The following PTPN4 variants were observed in gnomAD, a reference collection of about 807,000 sequenced individuals.
PTPN4 encodes tyrosine-protein phosphatase non-receptor type 4.
PTPN4 carries 49 observed loss-of-function variants against 135.5 expected under a neutral mutation model. The observed-to-expected ratio is 0.36, with a 90% CI of 0.29 to 0.46. The LOEUF (loss-of-function observed/expected upper bound fraction) is 0.46. Ranked by LOEUF, PTPN4 falls within the 20% of genes least tolerant of loss-of-function variation. The pLI, the probability that PTPN4 is intolerant of heterozygous loss-of-function variation, is 1.00. For missense variants in PTPN4, 860 were observed against 1,101.0 expected (o/e 0.78, Z 3.10); for synonymous variants, 333 against 369.9 (o/e 0.90, Z 1.14).
chr2:119,882,451 A>G, intron 7 of PTPN4, 52 bp from the exon 8 acceptor site: 1 of 1,416,882 alleles, frequency 7.1e-7, no homozygotes, highest in Non-Finnish European at 9.5e-7. Context: ...TTTGACTATA[A>G]TAATTTAAAA....
intron 12 of PTPN4, among the ~76,000 whole-genome samples, chr2:119,924,049 A>G (rs945776944): frequency 2.0e-5 from 3 of 150,104 alleles, no homozygotes; most frequent in African/African-American, 7.3e-5. Flanking sequence ...AGGCAGAAGA[A>G]TGGCGTGAAC....
chr2:119,879,106 AC>A (rs1390331738), intron 5 of PTPN4, among the ~76,000 whole-genome samples: 1 of 151,614 alleles, frequency 6.6e-6, no homozygotes, highest in African/African-American at 2.4e-5. Flanking sequence ...AAAAAAAAAA[AC>A]AAAAATGAAA....
intron 1 of PTPN4, among the ~76,000 whole-genome samples, chr2:119,770,701 T>A (rs2104920257): frequency 6.6e-6 from 1 of 152,180 alleles, no homozygotes; most frequent in Non-Finnish European, 1.5e-5. Flanking sequence ...TATAGTAGTA[T>A]GTTCTATTGT....
intron 16 of PTPN4, among the ~76,000 whole-genome samples, chr2:119,945,605 AAAAATT>A (rs10588544): frequency 0.65 from 98,518 of 150,942 alleles, 32,660 homozygotes; most frequent in East Asian, 0.82. Context: ...TAATAATAAT[AAAAATT>A]AAAAATAAAA....
At chr2:119,857,632 T>C (rs1298459105) in intron 2 of PTPN4, among the ~76,000 whole-genome samples, 3 of 151,860 alleles carry the variant, frequency 2.0e-5, no homozygotes, top group East Asian at 3.9e-4. Flanking sequence ...CCTAAAATAA[T>C]TTCTTAATAA....
rs1413028565 is a variant in PTPN4 at position 119,983,432 on chromosome 2, A to C, written c.*6362A>C. On this transcript the variant is annotated 3_prime_UTR_variant, in exon 27 of 27. Transcript: ENST00000263708. ...TTCTACTCCTGAATTGTAGTGTTCA[A>C]GTTATTTGCCTTCCTGGGTAAGAAA... The C allele has an allele frequency of 6.6e-6, 1 of 152,166 alleles. No homozygotes were observed. Among genetic ancestry groups the C allele is most frequent in the East Asian group, 1.9e-4 (1 of 5,204 alleles). 9.4% of individuals were successfully genotyped at this position (152,166 alleles called of 1,614,324 possible).
At chr2:119,860,472 A>G (rs1309449491) in intron 2 of PTPN4, among the ~76,000 whole-genome samples, 3 of 152,198 alleles carry the variant, frequency 2.0e-5, no homozygotes, top group Non-Finnish European at 4.4e-5. Context: ...TGGAATGCAG[A>G]TGAGAAAGAT....
At chr2:119,903,476 G>A (rs1678438406) in intron 10 of PTPN4, among the ~76,000 whole-genome samples, 1 of 151,852 alleles carries the variant, frequency 6.6e-6, no homozygotes, top group African/African-American at 2.4e-5. Flanking sequence ...AGGGCCTGAC[G>A]ATAGATGTGC....
At chr2:119,934,403 T>C (rs1182253186) in intron 14 of PTPN4, among the ~76,000 whole-genome samples, 1 of 152,208 alleles carries the variant, frequency 6.6e-6, no homozygotes, top group African/African-American at 2.4e-5. Context: ...ACTCTAAGGC[T>C]TCAAAGAAAG....
chr2:119,860,356 G>C (rs924696813), intron 2 of PTPN4, among the ~76,000 whole-genome samples: 18 of 152,254 alleles, frequency 1.2e-4, no homozygotes, highest in African/African-American at 4.1e-4. Flanking sequence ...GTCTTTGTAA[G>C]GTAACTTTTA....
chr2:119,943,839 A>G (rs1353244598), intron 15 of PTPN4, among the ~76,000 whole-genome samples: 3 of 150,810 alleles, frequency 2.0e-5, no homozygotes, highest in Non-Finnish European at 4.4e-5. Flanking sequence ...TGATCCGCCC[A>G]CCCCGGCCTC....
chr2:119,880,965 CT>C (rs1166268099), intron 5 of PTPN4, among the ~76,000 whole-genome samples: 2 of 151,982 alleles, frequency 1.3e-5, no homozygotes, highest in African/African-American at 4.8e-5. Flanking sequence ...GGAATATGTA[CT>C]TTTTTTAGTT....
intron 10 of PTPN4, 139 bp from the exon 11 acceptor site, chr2:119,915,040 A>G (rs1475442053): frequency 3.0e-6 from 2 of 659,762 alleles, no homozygotes; most frequent in South Asian, 5.3e-5. Flanking sequence ...AAAACTTTCA[A>G]TTCTTTATGT....
intron 2 of PTPN4, among the ~76,000 whole-genome samples, chr2:119,847,902 G>T (rs1677529804): frequency 1.3e-5 from 2 of 152,130 alleles, no homozygotes; most frequent in Non-Finnish European, 2.9e-5. Context: ...TGTCATCCAG[G>T]TGTCTTCTGG....
At position 119,900,822 on chromosome 2, in the gene PTPN4, G is replaced by A. The variant is rs771627653; in HGVS notation, c.764+16G>A. ...CCTTTCCATGGTAAGAACATCTATT[G>A]ATACTTTTATGTTTACCACTGTATT... On this transcript the variant is annotated intron_variant, in intron 10 of 26. Coordinates refer to ENST00000263708, the MANE Select transcript of PTPN4 (RefSeq NM_002830.4). The A allele has an allele frequency of 4.9e-6, 7 of 1,434,240 alleles. No individual in the cohort carries two copies. The highest frequency in any genetic ancestry group is 1.9e-6 in the Non-Finnish European group (2 of 1,044,714). The allele number at this position is 1,434,240 out of a possible 1,614,324, so 88.8% of individuals were successfully genotyped here. A position where few individuals can be genotyped will look rare whatever the true frequency, so the allele number is the denominator to read the frequency against.
intron 2 of PTPN4, among the ~76,000 whole-genome samples, chr2:119,817,235 A>G (rs889961857): frequency 2.0e-5 from 3 of 151,774 alleles, no homozygotes; most frequent in Non-Finnish European, 2.9e-5. Context: ...TAATTTTTGT[A>G]TATGGCTTAA....
chr2:119,760,559 G>C (rs192933456), intron 1 of PTPN4, among the ~76,000 whole-genome samples, 175 bp downstream of exon 1: 2 of 152,148 alleles, frequency 1.3e-5, no homozygotes, highest in Non-Finnish European at 2.9e-5. Flanking sequence ...ACAAAAAAAC[G>C]CTTTCTTTCC....
At position 119,934,817 on chromosome 2, in the gene PTPN4, C is replaced by A. The variant is rs1004704242; in HGVS notation, c.1214C>A (p.Thr405Lys). Reference protein sequence around the residue: ...GTPNHRNSTFTQEGTRLRPSS... With the variant: ...GTPNHRNSTFKQEGTRLRPSS... ...TTATTTAGTCGAAATTCTACATTCA[C>A]GCAGGAAGGAACCCGGTTACGACCA... The change falls in exon 15 of 27, where the codon ACG (threonine) becomes AAG (lysine). Residue 405 changes from threonine to lysine, a missense_variant. Coordinates refer to ENST00000263708, the MANE Select transcript of PTPN4 (RefSeq NM_002830.4). The A allele has an allele frequency of 1.9e-6, 3 of 1,613,780 alleles. No individual in the cohort carries two copies. Among genetic ancestry groups the A allele is most frequent in the Non-Finnish European group, 2.5e-6 (3 of 1,179,850 alleles).
At chr2:119,825,848 G>T (rs1426308267) in intron 2 of PTPN4, among the ~76,000 whole-genome samples, 2 of 152,084 alleles carry the variant, frequency 1.3e-5, no homozygotes, top group African/African-American at 4.8e-5. Flanking sequence ...CACAACATCT[G>T]CTATCAATTG....
Sources: gnomAD v4.1 joint callset for allele counts (sites outside exome capture counted in the v4.1 genomes callset) on GRCh38, gnomAD v4.1.1 for gene constraint, MANE v1.5 for transcripts, NCBI Gene and HGNC (gene_info 2026-07-23, HGNC 2026-07-21) for gene names.